Variants in ABCD3 observed in about 807,000 individuals in gnomAD.
ABCD3 encodes ATP-binding cassette sub-family D member 3.
In ABCD3, 41 loss-of-function variants were observed where a neutral mutation model predicts 105.5. The ratio of observed to expected loss-of-function variants is 0.39; its 90% confidence interval spans 0.30 to 0.50. The LOEUF (loss-of-function observed/expected upper bound fraction) is 0.50, where lower values mean the gene tolerates loss of function less well. Among genes scored for constraint, ABCD3 ranks in the 20% least tolerant of loss-of-function variants. The probability of loss-of-function intolerance (pLI) is 0.84; values close to 1 mark genes in which losing one functional copy is unlikely to be tolerated. For missense variants in ABCD3, 622 were observed against 806.3 expected, an observed-to-expected ratio of 0.77 and a Z score of 2.77; for synonymous variants, 258 against 269.0, an observed-to-expected ratio of 0.96 and a Z score of 0.40.
At chr1:94,451,377 A>G (rs563676988) in intron 1 of ABCD3, among the ~76,000 whole-genome samples, 5 of 152,338 alleles carry the variant, frequency 3.3e-5, no homozygotes, top group Non-Finnish European at 7.4e-5. Context: ...TTTGAGGCTT[A>G]TAATAAACAT....
intron 1 of ABCD3, among the ~76,000 whole-genome samples, chr1:94,452,602 C>G (rs1001692405): frequency 1.3e-5 from 2 of 152,050 alleles, no homozygotes; most frequent in African/African-American, 2.4e-5. Context: ...AGGTATTTAT[C>G]TAATTTTTGA....
intron 1 of ABCD3, among the ~76,000 whole-genome samples, chr1:94,446,843 C>T (rs1319177411): frequency 6.6e-6 from 1 of 152,152 alleles, no homozygotes; most frequent in Non-Finnish European, 1.5e-5. Flanking sequence ...ACCTGATGGA[C>T]AACCTGGGAC....
At chr1:94,517,001 T>A in intron 22 of ABCD3, 51 bp from the exon 23 acceptor site, 1 of 1,207,560 alleles carries the variant, frequency 8.3e-7, no homozygotes, top group Non-Finnish European at 1.2e-6. Context: ...TAAAAGACAG[T>A]ACTATATTCA....
intron 3 of ABCD3, 33 bp from the exon 4 acceptor site, chr1:94,467,886 T>C: frequency 1.4e-6 from 2 of 1,460,328 alleles, no homozygotes; most frequent in South Asian, 1.1e-5. Flanking sequence ...CTAAAATGCA[T>C]GTATTTAATT....
the ABCD3 span, among the ~76,000 whole-genome samples, chr1:94,393,839 G>T: frequency 6.6e-6 from 1 of 152,070 alleles, no homozygotes; most frequent in South Asian, 2.1e-4. Flanking sequence ...TTTCCAATAC[G>T]ATTGATCCAT....
At chr1:94,491,825 C>T (rs188414945) in intron 16 of ABCD3, among the ~76,000 whole-genome samples, 9 of 152,096 alleles carry the variant, frequency 5.9e-5, no homozygotes, top group East Asian at 5.8e-4. Context: ...TGTTTTTGTA[C>T]GATTTGTAAG....
intron 16 of ABCD3, among the ~76,000 whole-genome samples, chr1:94,494,336 T>C (rs565006125): frequency 1.6e-4 from 24 of 152,298 alleles, no homozygotes; most frequent in African/African-American, 5.3e-4. Context: ...TATCCTGTGA[T>C]TCTTGTTTTC....
At position 94,445,995 on chromosome 1, in the gene ABCD3, C is replaced by G. The variant is rs186619616; in HGVS notation, c.111-12612C>G. Among the ~76,000 whole-genome samples, 394 of 152,268 alleles carry G rather than the reference C, an allele frequency of 2.6e-3. 3 individuals are homozygous for G. Among genetic ancestry groups the G allele is most frequent in the African/African-American group, 9.2e-3 (381 of 41,546 alleles). ...ACTGAGAGTGGGTAAAGGAAATACT[C>G]AGTTTCCTGGAGCTTGTTCTAACTG... On this transcript the variant is annotated intron_variant, in intron 1 of 22. Transcript: ENST00000370214.
chr1:94,494,044 T>C (rs565075053), intron 16 of ABCD3, among the ~76,000 whole-genome samples: 63 of 152,012 alleles, frequency 4.1e-4, no homozygotes, highest in Non-Finnish European at 8.8e-4. Flanking sequence ...TGTATACATA[T>C]GTAACTAACC....
the ABCD3 span, among the ~76,000 whole-genome samples, chr1:94,398,259 T>C: frequency 5.9e-5 from 9 of 152,204 alleles, no homozygotes; most frequent in African/African-American, 2.2e-4. Flanking sequence ...AGAGGGTTGA[T>C]TCTAGCCATC....
chr1:94,415,458 A>C (rs1035605623), upstream of ABCD3, among the ~76,000 whole-genome samples: 2 of 152,234 alleles, frequency 1.3e-5, no homozygotes, highest in African/African-American at 2.4e-5. Flanking sequence ...GTGAACTTGC[A>C]AAATTGCATT....
At chr1:94,474,271 A>G (rs892360301) in intron 5 of ABCD3, among the ~76,000 whole-genome samples, 8 of 151,782 alleles carry the variant, frequency 5.3e-5, no homozygotes, top group African/African-American at 1.9e-4. Flanking sequence ...GGGGAATGCA[A>G]ATCATCCTGG....
intron 1 of ABCD3, among the ~76,000 whole-genome samples, chr1:94,422,002 C>T (rs1238959526): frequency 6.6e-6 from 1 of 152,166 alleles, no homozygotes; most frequent in Admixed American, 6.5e-5. Context: ...TGTGGTCCTT[C>T]CCTACTTTTC....
the ABCD3 span, among the ~76,000 whole-genome samples, chr1:94,405,865 C>T: frequency 5.9e-5 from 9 of 151,946 alleles, no homozygotes; most frequent in Admixed American, 4.6e-4. Context: ...CAAATGTTTT[C>T]TTCTAGTTTG....
chr1:94,445,948 T>A (rs187359926), intron 1 of ABCD3, among the ~76,000 whole-genome samples: 25 of 152,280 alleles, frequency 1.6e-4, no homozygotes, highest in African/African-American at 5.5e-4. Flanking sequence ...AAGGCTACTC[T>A]GCTAGCCCAA....
chr1:94,466,311 A>G (rs1570781051), intron 3 of ABCD3, among the ~76,000 whole-genome samples: 1 of 152,176 alleles, frequency 6.6e-6, no homozygotes, highest in East Asian at 1.9e-4. Flanking sequence ...TTTCTTATAA[A>G]TTATTCTCTC....
At chr1:94,421,578 G>GTC (rs975846655) in intron 1 of ABCD3, among the ~76,000 whole-genome samples, 1 of 151,884 alleles carries the variant, frequency 6.6e-6, no homozygotes, top group Non-Finnish European at 1.5e-5. Flanking sequence ...GTGTGTGTGT[G>GTC]TGTGTGTGTG....
intron 9 of ABCD3, chr1:94,482,894 T>C: frequency 2.5e-6 from 1 of 402,030 alleles, no homozygotes; most frequent in Non-Finnish European, 4.6e-6. Context: ...TTCGAATTTC[T>C]GAGAATTCGT....
At chr1:94,471,079 T>C (rs1648433973) in intron 4 of ABCD3, among the ~76,000 whole-genome samples, 1 of 152,220 alleles carries the variant, frequency 6.6e-6, no homozygotes, top group African/African-American at 2.4e-5. Context: ...TGAGAGCTTG[T>C]TAACTGGTCT....
Sources: gnomAD v4.1 joint callset for allele counts (sites outside exome capture counted in the v4.1 genomes callset) on GRCh38, gnomAD v4.1.1 for gene constraint, MANE v1.5 for transcripts, NCBI Gene and HGNC (gene_info 2026-07-23, HGNC 2026-07-21) for gene names.